Variants in SHC3 observed in about 807,000 individuals in gnomAD.
SHC3 encodes the protein SHC adaptor protein 3.
In SHC3, 15 loss-of-function variants were observed where a neutral mutation model predicts 60.4. That is an observed-to-expected ratio of 0.25 (90% CI 0.17 to 0.38). The LOEUF is 0.38. SHC3 is among the 10% of genes least tolerant of loss of function. The pLI is 1.00. For missense variants in SHC3, 677 were observed against 786.1 expected (o/e 0.86, Z 1.66); for synonymous variants, 294 against 325.9 (o/e 0.90, Z 1.05).
At chr9:89,112,692 T>A in intron 1 of SHC3, 66 bp from the exon 2 acceptor site, 1 of 1,405,182 alleles carries the variant, frequency 7.1e-7, no homozygotes, top group Non-Finnish European at 9.6e-7. Context: ...CTCCTAACTA[T>A]ACAAGGGCAT....
At chr9:89,067,547 A>G (rs1825203391) in intron 5 of SHC3, among the ~76,000 whole-genome samples, 1 of 152,208 alleles carries the variant, frequency 6.6e-6, no homozygotes, top group Admixed American at 6.5e-5. Flanking sequence ...AAAGAAAAGG[A>G]CACAGGGTAG....
At chr9:89,175,343 T>C (rs965429269) in intron 1 of SHC3, among the ~76,000 whole-genome samples, 5 of 152,242 alleles carry the variant, frequency 3.3e-5, no homozygotes, top group Non-Finnish European at 5.9e-5. Context: ...CAATTAGACA[T>C]GCTTTGAGCT....
chr9:89,175,252 A>G (rs965247571), intron 1 of SHC3, among the ~76,000 whole-genome samples: 36 of 152,238 alleles, frequency 2.4e-4, no homozygotes, highest in African/African-American at 8.7e-4. Context: ...AAAAGAATAT[A>G]AACCTCTAGG....
chr9:89,087,521 G>C (rs773506805), intron 2 of SHC3, among the ~76,000 whole-genome samples: 18 of 152,178 alleles, frequency 1.2e-4, no homozygotes, highest in Non-Finnish European at 2.5e-4. Flanking sequence ...CAATCAGTGT[G>C]GGAGGGAGAG....
At chr9:89,074,325 AG>A (rs1370745764) in intron 4 of SHC3, among the ~76,000 whole-genome samples, 12 of 152,282 alleles carry the variant, frequency 7.9e-5, no homozygotes, top group African/African-American at 1.4e-4. Flanking sequence ...CCAGAAGCTG[AG>A]CCGGGGCACA....
chr9:89,014,459 C>T lies in SHC3; in HGVS notation c.1657-884G>A, dbSNP rs541451259. On this transcript the variant is annotated intron_variant, in intron 11 of 11. Transcript: ENST00000375835. Reference sequence around the variant, plus strand: ...ATAAGTGGGAGATGGGGGCAGAAAGCAGCCACCTGGCTAGGTCCATTCACC... The same window carrying T: ...ATAAGTGGGAGATGGGGGCAGAAAGTAGCCACCTGGCTAGGTCCATTCACC... Among the ~76,000 whole-genome samples, 326 of 152,288 alleles carry T rather than the reference C, an allele frequency of 2.1e-3. 1 individual carries two copies. Among genetic ancestry groups the T allele is most frequent in the African/African-American group, 7.5e-3 (311 of 41,552 alleles).
chr9:89,052,246 C>A, intron 6 of SHC3, 83 bp from the exon 7 acceptor site: 1 of 1,552,144 alleles, frequency 6.4e-7, no homozygotes, highest in South Asian at 1.2e-5. Context: ...TTGCTGAGGA[C>A]ACAGGGACAG....
chr9:89,026,854 T>C (rs1826316839), intron 11 of SHC3, among the ~76,000 whole-genome samples: 1 of 152,166 alleles, frequency 6.6e-6, no homozygotes, highest in Non-Finnish European at 1.5e-5. Flanking sequence ...CATGCTCCTG[T>C]GGTTTTCTGG....
At chr9:89,094,685 G>C (rs1825674242) in intron 2 of SHC3, among the ~76,000 whole-genome samples, 1 of 152,178 alleles carries the variant, frequency 6.6e-6, no homozygotes. Context: ...ACACAGTAGG[G>C]AGGTGGGGGT....
At chr9:89,141,007 T>C (rs1484912997) in intron 1 of SHC3, among the ~76,000 whole-genome samples, 2 of 152,218 alleles carry the variant, frequency 1.3e-5, no homozygotes, top group Non-Finnish European at 2.9e-5. Flanking sequence ...TAAAAAGTCA[T>C]GGTAAATTTC....
intron 11 of SHC3, among the ~76,000 whole-genome samples, chr9:89,030,629 C>T (rs747265191): frequency 1.3e-5 from 2 of 152,190 alleles, no homozygotes; most frequent in Non-Finnish European, 2.9e-5. Context: ...CAGTTAAAAA[C>T]ACATATACAC....
At chr9:89,048,241 T>TAG (rs1554690903) in intron 7 of SHC3, among the ~76,000 whole-genome samples, 2 of 133,952 alleles carry the variant, frequency 1.5e-5, no homozygotes, top group East Asian at 4.4e-4. Flanking sequence ...AAGACTCCAT[T>TAG]AAAAAAAAAA....
In SHC3 at chr9:89,038,437, G is replaced by T. The variant is rs1461003355; in HGVS notation, c.1361-149C>A. ...CAAAAACCAATGGAGACAACTAACT[G>T]GCTGGTAATATAACAAGAGCCATCA... On this transcript the variant is annotated intron_variant, in intron 10 of 11. Transcript: ENST00000375835. 1.0e-5 allele frequency: 9 copies of T among 862,220 alleles called. No individual in the cohort carries two copies. In the Admixed American group the frequency reaches 2.7e-4, roughly 25 times the overall value. 53.4% of individuals were successfully genotyped at this position (862,220 alleles called of 1,614,324 possible). A position where few individuals can be genotyped will look rare whatever the true frequency, so the allele number is the denominator to read the frequency against.
Position 89,178,011 on chromosome 9 carries a change from C to A in SHC3, c.450G>T (p.Gly150=). The A allele has an allele frequency of 8.1e-7, 1 of 1,235,758 alleles. No homozygotes were observed. The highest frequency in any genetic ancestry group is 1.0e-6 in the Non-Finnish European group (1 of 990,524). 76.5% of individuals were successfully genotyped at this position (1,235,758 alleles called of 1,614,324 possible). Residue 150 remains glycine (G), a synonymous_variant, in exon 1 of 12, where the codon GGG becomes GGT. Transcript: ENST00000375835. This position sits in a 1 kb window ranked among gnomAD's most constrained non-coding sequence, Gnocchi z 6.9. ...GAPHASDQVL[G]PGVTYVVKYL... ...CCTTGACCACGTAGGTGACTCCGGG[C>A]CCCAGCACCTGGTCGCTGGCGTGCG... is the stretch of plus-strand genomic sequence containing the variant.
intron 11 of SHC3, among the ~76,000 whole-genome samples, chr9:89,014,100 C>A (rs761339122): frequency 6.6e-6 from 1 of 152,218 alleles, no homozygotes; most frequent in Non-Finnish European, 1.5e-5. Context: ...CCACCAGGGG[C>A]AAGCCTCACA....
At chr9:89,109,692 A>T (rs1825918129) in intron 2 of SHC3, 5 of 985,270 alleles carry the variant, frequency 5.1e-6, no homozygotes, top group Admixed American at 6.2e-5. Context: ...GACCACCCCC[A>T]TGCACTCCAG....
At chr9:89,060,107 G>A (rs1189043604) in intron 6 of SHC3, among the ~76,000 whole-genome samples, 8 of 149,916 alleles carry the variant, frequency 5.3e-5, no homozygotes, top group Non-Finnish European at 8.9e-5. Context: ...GGTGGAGGAT[G>A]TGGTGGAGGA....
intron 1 of SHC3, among the ~76,000 whole-genome samples, chr9:89,124,280 C>A (rs1291101392): frequency 6.6e-6 from 1 of 152,060 alleles, no homozygotes; most frequent in East Asian, 1.9e-4. Context: ...AAGAGTGTGG[C>A]GATTCCTCAA....
At chr9:89,042,340 A>G (rs556218534) in intron 9 of SHC3, among the ~76,000 whole-genome samples, 156 bp from the exon 10 acceptor site, 115 of 152,190 alleles carry the variant, frequency 7.6e-4, no homozygotes, top group Admixed American at 1.4e-3. Context: ...GTCACCACAC[A>G]CTGCTGTGAC....
Sources: gnomAD v4.1 joint callset for allele counts (sites outside exome capture counted in the v4.1 genomes callset) on GRCh38, gnomAD v4.1.1 for gene constraint, Gnocchi (gnomAD v3.1) non-coding constraint, MANE v1.5 for transcripts, NCBI Gene and HGNC (gene_info 2026-07-23, HGNC 2026-07-21) for gene names.